SLC20A2: variants seen among roughly 807,000 people sequenced by gnomAD.
SLC20A2 encodes the protein sodium-dependent phosphate transporter 2.
In SLC20A2, 30 loss-of-function variants were observed where a neutral mutation model predicts 61.0. The ratio of observed to expected loss-of-function variants is 0.49; its 90% CI spans 0.37 to 0.67. The LOEUF is 0.67. Ranked by LOEUF, SLC20A2 falls within the 30% of genes least tolerant of loss-of-function variation. SLC20A2 has a pLI of 0.00. For synonymous variants in SLC20A2, 351 were observed against 353.3 expected, an observed-to-expected ratio of 0.99 and a Z score of 0.07; for missense variants, 626 against 866.4, an observed-to-expected ratio of 0.72 and a Z score of 3.48.
intron 10 of SLC20A2, among the ~76,000 whole-genome samples, chr8:42,427,001 T>C (rs540670195): frequency 3.3e-5 from 5 of 152,238 alleles, no homozygotes; most frequent in Non-Finnish European, 5.9e-5. Context: ...GTTTGAAATA[T>C]TTCAGTGAAT....
At chr8:42,457,194 C>T (rs183948590) in intron 5 of SLC20A2, among the ~76,000 whole-genome samples, 9 of 152,130 alleles carry the variant, frequency 5.9e-5, no homozygotes, top group East Asian at 3.9e-4. Context: ...TCCCAAACAG[C>T]GGGGATTATA....
chr8:42,520,142 C>A (rs1020469375), intron 1 of SLC20A2, among the ~76,000 whole-genome samples: 4 of 149,702 alleles, frequency 2.7e-5, no homozygotes, highest in Non-Finnish European at 4.4e-5. Flanking sequence ...GCCTCCCAAG[C>A]AGCTGGGATT....
At chr8:42,450,415 A>C (rs574993744) in intron 5 of SLC20A2, among the ~76,000 whole-genome samples, 1 of 151,934 alleles carries the variant, frequency 6.6e-6, no homozygotes, top group Non-Finnish European at 1.5e-5. Context: ...TTTAGTAGAG[A>C]TGGGGTTTCA....
chr8:42,495,421 A>T (rs1453296410), intron 1 of SLC20A2, among the ~76,000 whole-genome samples: 1 of 152,190 alleles, frequency 6.6e-6, no homozygotes, highest in East Asian at 1.9e-4. Context: ...GGTTAAGATC[A>T]GCTCCCTGTG....
In SLC20A2 at chr8:42,527,185, C is replaced by T. The variant is rs573889353; in HGVS notation, c.-265+14636G>A. 3.3e-5 allele frequency among the ~76,000 whole-genome samples: 5 copies of T among 150,484 alleles called. No individual in the cohort carries two copies. In the East Asian group the frequency reaches 9.8e-4, roughly 29 times the overall value. On this transcript the variant is annotated intron_variant, in intron 1 of 10. Coordinates refer to the SLC20A2 transcript ENST00000342228. Reference sequence around the variant, plus strand: ...CTTTGGGAGGCGGAGGCGGGCAGATCACCAGGTCAGGAGTGCGAGACCAGG... The same window carrying T: ...CTTTGGGAGGCGGAGGCGGGCAGATTACCAGGTCAGGAGTGCGAGACCAGG...
intron 1 of SLC20A2, among the ~76,000 whole-genome samples, chr8:42,522,995 G>C (rs965180490): frequency 1.3e-5 from 2 of 151,904 alleles, no homozygotes; most frequent in African/African-American, 4.8e-5. Context: ...AAAGTGCTGG[G>C]ATTGCGGGTA....
intron 3 of SLC20A2, 71 bp downstream of exon 3, chr8:42,465,706 T>G: frequency 1.5e-6 from 2 of 1,325,122 alleles, no homozygotes; most frequent in South Asian, 1.7e-5. Flanking sequence ...AAAAAAAAAG[T>G]AACTTGTAAT....
chr8:42,477,070 G>A (rs983486381), intron 1 of SLC20A2, among the ~76,000 whole-genome samples: 2 of 152,182 alleles, frequency 1.3e-5, no homozygotes, highest in African/African-American at 4.8e-5. Context: ...GGCAAAGGTC[G>A]GAAAGCATAA....
At chr8:42,486,140 C>CTGTGTGTGTGTGTGTGTGTGTGTG (rs59925363) in intron 1 of SLC20A2, among the ~76,000 whole-genome samples, 1 of 148,920 alleles carries the variant, frequency 6.7e-6, no homozygotes, top group African/African-American at 2.4e-5. Flanking sequence ...AGCTCTCTCA[C>CTGTGTGTGTGTGTGTGTGTGTGTG]TGTGTGTGTG....
intron 10 of SLC20A2, among the ~76,000 whole-genome samples, chr8:42,423,912 G>C (rs13262479): frequency 0.091 from 13,861 of 152,182 alleles, 869 homozygotes; most frequent in Non-Finnish European, 0.12. Flanking sequence ...TTGAGAAGAA[G>C]GGGGACCAGA....
chr8:42,514,630 C>T (rs972222494), intron 1 of SLC20A2, among the ~76,000 whole-genome samples: 1 of 151,808 alleles, frequency 6.6e-6, no homozygotes, highest in Non-Finnish European at 1.5e-5. Flanking sequence ...TGGTGGTACG[C>T]GCCTGTAATC....
At position 42,463,074 on chromosome 8, in the gene SLC20A2, T is replaced by A; in HGVS notation, c.447A>T (p.Ile149=). Residue 149 remains isoleucine (I), a synonymous_variant, in exon 4 of 11, where the codon ATA becomes ATT. Coordinates refer to ENST00000520262, the MANE Select transcript of SLC20A2 (RefSeq NM_001257180.2). ...ELVKIVASWF[I]SPLLSGFMSG... ...ACATGAAACCAGACAACAGTGGAGA[T>A]ATAAACCAAGAAGCAACTGAATAAT... 6.3e-7 allele frequency: 1 copy of A among 1,590,870 alleles called. No homozygotes were observed. Among genetic ancestry groups the A allele is most frequent in the African/African-American group, 1.4e-5 (1 of 73,748 alleles).
intron 1 of SLC20A2, among the ~76,000 whole-genome samples, chr8:42,513,644 A>T (rs1212141450): frequency 6.6e-6 from 1 of 152,158 alleles, no homozygotes; most frequent in Non-Finnish European, 1.5e-5. Flanking sequence ...TCATGTGTTC[A>T]TTTATCCATC....
At chr8:42,490,372 T>A (rs904230668) in intron 1 of SLC20A2, among the ~76,000 whole-genome samples, 8 of 151,700 alleles carry the variant, frequency 5.3e-5, no homozygotes, top group African/African-American at 1.9e-4. Context: ...CCGAGGCGGG[T>A]GGATCACTTG....
intron 1 of SLC20A2, among the ~76,000 whole-genome samples, chr8:42,475,862 C>T (rs765739674): frequency 5.3e-5 from 8 of 151,730 alleles, no homozygotes; most frequent in Non-Finnish European, 1.0e-4. Context: ...GGAGGGAATA[C>T]GATGATTTAA....
rs960566542 is a variant in SLC20A2 at position 42,521,408 on chromosome 8, G to C, written c.-265+20413C>G. ...CATTTATATAGTATTCTCAAAATGA[G>C]ATCAGATTAGTGGCTACCAGCAGTT... On this transcript the variant is annotated intron_variant, in intron 1 of 10. Coordinates refer to the SLC20A2 transcript ENST00000342228. 1.9e-4 allele frequency among the ~76,000 whole-genome samples: 23 copies of C among 121,396 alleles called. 3 individuals carry two copies. The highest frequency in any genetic ancestry group is 5.8e-4 in the African/African-American group (23 of 39,488). The allele number at this position is 121,396 out of a possible 152,430, so 79.6% of individuals were successfully genotyped here.
In SLC20A2 at chr8:42,465,813, T is replaced by C. The variant is rs765338905; in HGVS notation, c.394A>G (p.Thr132Ala). 9 of 1,613,792 alleles carry C rather than the reference T, an allele frequency of 5.6e-6. No individual in the cohort carries two copies. Among genetic ancestry groups the C allele is most frequent in the African/African-American group, 1.3e-5 (1 of 74,864 alleles). The change falls in exon 3 of 11, where the codon ACC (threonine) becomes GCC (alanine). Residue 132 changes from threonine to alanine, a missense_variant. Thr to Ala is a moderately conservative substitution (Grantham distance 58). Around this residue, in one of 3 missense-constraint regions of SLC20A2, gnomAD observed 127 missense variants for 215.4 expected, o/e 0.59. Coordinates refer to ENST00000520262, the MANE Select transcript of SLC20A2 (RefSeq NM_001257180.2). ...AGCTCCATCCACTGCACACCTTTGG[T>C]ACCGATTGCGACCAGTGAGAATCCT... is the stretch of plus-strand genomic sequence containing the variant. ...TIGFSLVAIG[T>A]KGVQWMELVK...
chr8:42,439,305 C>G, intron 7 of SLC20A2, 145 bp downstream of exon 7: 1 of 730,294 alleles, frequency 1.4e-6, no homozygotes, highest in Non-Finnish European at 2.2e-6. Flanking sequence ...TGAGGCCTCC[C>G]TAGCTTCTGG....
chr8:42,448,728 G>C (rs781767289), intron 5 of SLC20A2, among the ~76,000 whole-genome samples: 1 of 152,132 alleles, frequency 6.6e-6, no homozygotes, highest in Non-Finnish European at 1.5e-5. Flanking sequence ...AACACGTCAC[G>C]GAGGAGGAAG....
Sources: allele counts gnomAD v4.1 joint callset (sites outside exome capture counted in the v4.1 genomes callset), GRCh38; gene constraint gnomAD v4.1.1; regional missense constraint gnomAD v4.1.1; transcripts MANE v1.5; gene names NCBI Gene and HGNC (gene_info 2026-07-23, HGNC 2026-07-21).